The following MOV10L1 variants were observed in gnomAD, a reference collection of about 807,000 sequenced individuals.
MOV10L1 encodes Mov10 like RNA helicase 1, also known as RNA helicase Mov10l1.
In MOV10L1, 110 loss-of-function variants were observed where a neutral mutation model predicts 143.8. That is an observed-to-expected ratio of 0.76 (90% confidence interval 0.66 to 0.90). MOV10L1 has a LOEUF of 0.90. Ranked by LOEUF, MOV10L1 falls within the 40% of genes least tolerant of loss-of-function variation. The pLI is 0.00. For synonymous variants in MOV10L1, 593 were observed against 581.1 expected (o/e 1.02, Z -0.29); for missense variants, 1,406 against 1,526.8 (o/e 0.92, Z 1.32).
chr22:50,148,578 T>TGCTCTGTA (rs1206365979), intron 19 of MOV10L1, among the ~76,000 whole-genome samples: 1 of 152,050 alleles, frequency 6.6e-6, no homozygotes, highest in African/African-American at 2.4e-5. Context: ...CCAGGAGGGC[T>TGCTCTGTA]GCTCTGTAGC....
chr22:50,103,957 G>A (rs1445407986), intron 3 of MOV10L1, among the ~76,000 whole-genome samples: 6 of 152,080 alleles, frequency 3.9e-5, no homozygotes, highest in Non-Finnish European at 8.8e-5. Flanking sequence ...AATTTATAAG[G>A]AAATAATTAT....
intron 5 of MOV10L1, 67 bp downstream of exon 5, chr22:50,108,911 G>A: frequency 6.8e-7 from 1 of 1,473,688 alleles, no homozygotes; most frequent in Non-Finnish European, 9.3e-7. Context: ...TTGGGAGGCT[G>A]AGGCAGACGG....
chr22:50,117,431 G>A lies in MOV10L1; in HGVS notation c.1454+80G>A, dbSNP rs527258536. 10 of 1,465,920 alleles carry A rather than the reference G, an allele frequency of 6.8e-6. No homozygotes were observed. In the African/African-American group the frequency reaches 1.3e-4, roughly 18 times the overall value. 90.8% of individuals were successfully genotyped at this position (1,465,920 alleles called of 1,614,324 possible). On this transcript the variant is annotated intron_variant, in intron 9 of 26. Transcript: ENST00000262794. ...AAAAGCGGACGTGCACTGGCAAGCG[G>A]TGGCTACCACCTGGCTGGGGAGGTA...
chr22:50,122,773 T>TTTA (rs1452016005), intron 10 of MOV10L1, among the ~76,000 whole-genome samples: 60 of 142,844 alleles, frequency 4.2e-4, no homozygotes, highest in African/African-American at 1.5e-3. Context: ...TTTTTCTCTT[T>TTTA]TTTATTTATT....
intron 9 of MOV10L1, among the ~76,000 whole-genome samples, chr22:50,118,534 C>G (rs1393641805): frequency 1.3e-5 from 2 of 152,142 alleles, no homozygotes; most frequent in Non-Finnish European, 2.9e-5. Flanking sequence ...AAAACCAACC[C>G]CCAAGGAGAC....
intron 5 of MOV10L1, among the ~76,000 whole-genome samples, chr22:50,110,935 TAA>T (rs142971485): frequency 1.3e-5 from 2 of 149,494 alleles, no homozygotes; most frequent in Non-Finnish European, 1.5e-5. Context: ...CATCTCCAAT[TAA>T]AAAAAAAAAT....
chr22:50,127,022 C>T (rs1173864373), intron 12 of MOV10L1, among the ~76,000 whole-genome samples: 1 of 152,148 alleles, frequency 6.6e-6, no homozygotes, highest in Non-Finnish European at 1.5e-5. Flanking sequence ...GGCAGGATTT[C>T]AGAGATTTTG....
chr22:50,098,227 T>G (rs1346366952), intron 2 of MOV10L1, among the ~76,000 whole-genome samples: 1 of 151,046 alleles, frequency 6.6e-6, no homozygotes, highest in African/African-American at 2.4e-5. Context: ...AGTATTAAGA[T>G]TAACATCTTA....
chr22:50,127,326 G>A (rs117350614), intron 12 of MOV10L1, among the ~76,000 whole-genome samples: 1,838 of 152,326 alleles, frequency 0.012, 28 homozygotes, highest in East Asian at 0.044. Context: ...CCTGGCATCT[G>A]AAATGACCTT....
intron 24 of MOV10L1, among the ~76,000 whole-genome samples, chr22:50,160,218 C>T (rs1205884776): frequency 2.1e-5 from 3 of 142,364 alleles, no homozygotes; most frequent in Admixed American, 7.0e-5. Flanking sequence ...TCCCCCTTCT[C>T]CCCCTCCCCC....
chr22:50,115,671 C>T (rs538720443), intron 8 of MOV10L1, among the ~76,000 whole-genome samples: 14 of 152,222 alleles, frequency 9.2e-5, no homozygotes, highest in African/African-American at 3.1e-4. Context: ...TAACTTCGCA[C>T]GACTCATGAG....
chr22:50,142,654 C>A (rs2063022687), intron 16 of MOV10L1, among the ~76,000 whole-genome samples: 1 of 151,092 alleles, frequency 6.6e-6, no homozygotes, highest in Non-Finnish European at 1.5e-5. Flanking sequence ...CATGGCGAAA[C>A]CTTGTCTCTA....
intron 3 of MOV10L1, among the ~76,000 whole-genome samples, chr22:50,102,876 G>A (rs533680857): frequency 1.3e-5 from 2 of 152,220 alleles, no homozygotes; most frequent in East Asian, 3.9e-4. Context: ...ACTCCAGCCT[G>A]GGCGACAGAG....
intron 2 of MOV10L1, chr22:50,092,683 A>G (rs1266741702): frequency 6.4e-6 from 1 of 155,338 alleles, no homozygotes; most frequent in Non-Finnish European, 1.4e-5. Context: ...CAAACAACAT[A>G]GACATGTATA....
chr22:50,127,250 G>A (rs1602246495), intron 12 of MOV10L1, among the ~76,000 whole-genome samples: 1 of 152,124 alleles, frequency 6.6e-6, no homozygotes, highest in Admixed American at 6.6e-5. Context: ...CAGGAGGAAG[G>A]CACCTGCCTG....
At chr22:50,090,831 C>A (rs1020110936) in intron 1 of MOV10L1, 25 of 300,982 alleles carry the variant, frequency 8.3e-5, no homozygotes, top group Non-Finnish European at 1.5e-4. Context: ...CACCCGCCAC[C>A]ACGCCCGGCT....
intron 8 of MOV10L1, among the ~76,000 whole-genome samples, chr22:50,116,899 G>T (rs986926646): frequency 1.3e-5 from 2 of 151,972 alleles, no homozygotes; most frequent in Non-Finnish European, 2.9e-5. Flanking sequence ...CAAGCGATCT[G>T]CCCGCCTCAG....
chr22:50,094,942 A>T (rs2062551258), intron 2 of MOV10L1: 1 of 152,246 alleles, frequency 6.6e-6, no homozygotes. Flanking sequence ...TGCAACTTAC[A>T]GCCAGGCGCG....
chr22:50,105,192 A>AT (rs1296969468), intron 3 of MOV10L1, among the ~76,000 whole-genome samples: 1 of 152,094 alleles, frequency 6.6e-6, no homozygotes, highest in African/African-American at 2.4e-5. Flanking sequence ...ACAATTCTGT[A>AT]TTTTTTTCTA....
Sources: gnomAD v4.1 joint callset for allele counts (sites outside exome capture counted in the v4.1 genomes callset) on GRCh38, gnomAD v4.1.1 for gene constraint, MANE v1.5 for transcripts, NCBI Gene and HGNC (gene_info 2026-07-23, HGNC 2026-07-21) for gene names.